ATAD2B: variants seen among roughly 807,000 people sequenced by gnomAD.
ATAD2B encodes ATPase family AAA domain-containing protein 2B.
A neutral mutation model predicts 167.6 loss-of-function variants in ATAD2B; 40 were observed. The ratio of observed to expected loss-of-function variants is 0.24; its 90% CI spans 0.19 to 0.31. The LOEUF is 0.31. ATAD2B is among the 10% of genes least tolerant of loss of function. The pLI, the probability that ATAD2B is intolerant of heterozygous loss-of-function variation, is 1.00. For synonymous variants in ATAD2B, 579 were observed against 596.5 expected (o/e 0.97, Z 0.43); for missense variants, 1,242 against 1,757.2 (o/e 0.71, Z 5.24).
At chr2:23,700,167 CTCCT>C in the ATAD2B span, among the ~76,000 whole-genome samples, 54 of 152,336 alleles carry the variant, frequency 3.5e-4, no homozygotes, top group African/African-American at 1.3e-3. The surrounding 1 kb of genome is among the most constrained non-coding windows in gnomAD (Gnocchi z 4.6). Flanking sequence ...TCCAGTTGGA[CTCCT>C]TCCTATTTTA....
At chr2:23,717,849 GA>G in the ATAD2B span, among the ~76,000 whole-genome samples, 1 of 152,064 alleles carries the variant, frequency 6.6e-6, no homozygotes, top group African/African-American at 2.4e-5. Flanking sequence ...CCAAAATTGG[GA>G]AAACTCACAA....
the ATAD2B span, among the ~76,000 whole-genome samples, chr2:23,732,617 T>A: frequency 6.6e-6 from 1 of 152,210 alleles, no homozygotes; most frequent in Non-Finnish European, 1.5e-5. Context: ...AAATAAATAT[T>A]TGATGGAAAA....
chr2:23,906,062 T>G (rs1403638548), intron 1 of ATAD2B, among the ~76,000 whole-genome samples: 1 of 151,984 alleles, frequency 6.6e-6, no homozygotes, highest in African/African-American at 2.4e-5. Context: ...GTCGGCTGGG[T>G]GCGGTGGCTC....
the ATAD2B span, chr2:23,693,129 G>T: frequency 1.0e-6 from 1 of 976,144 alleles, no homozygotes; most frequent in Non-Finnish European, 1.5e-6. Flanking sequence ...CCAGGAAGGG[G>T]GCCTGCAGGG....
intron 9 of ATAD2B, 62 bp from the exon 10 acceptor site, chr2:23,868,008 TAA>T (rs766316168): frequency 9.2e-7 from 1 of 1,084,250 alleles, no homozygotes; most frequent in Non-Finnish European, 1.4e-6. Context: ...AATGTCAAAA[TAA>T]GTTTACATTC....
the ATAD2B span, among the ~76,000 whole-genome samples, chr2:23,720,591 A>AG: frequency 6.6e-6 from 1 of 150,758 alleles, no homozygotes; most frequent in African/African-American, 2.4e-5. Flanking sequence ...AAAAAAAAAA[A>AG]AAAGTTAAGA....
intron 18 of ATAD2B, among the ~76,000 whole-genome samples, chr2:23,800,794 C>G (rs761500615): frequency 1.3e-5 from 2 of 151,638 alleles, no homozygotes; most frequent in East Asian, 1.9e-4. Flanking sequence ...ACTTCCAAAG[C>G]CTTTAGGAAA....
chr2:23,903,483 CT>C, intron 1 of ATAD2B, among the ~76,000 whole-genome samples: 1 of 152,154 alleles, frequency 6.6e-6, no homozygotes, highest in East Asian at 1.9e-4. Flanking sequence ...GAATAGATAA[CT>C]TTTTTCAATT....
chr2:23,850,616 T>G (rs1350546727), intron 13 of ATAD2B, among the ~76,000 whole-genome samples: 2 of 151,990 alleles, frequency 1.3e-5, no homozygotes, highest in South Asian at 4.1e-4. Context: ...ATTATGGAGA[T>G]AGTAAAAAGA....
chr2:23,801,079 T>G (rs1422509153), intron 18 of ATAD2B, among the ~76,000 whole-genome samples: 2 of 152,164 alleles, frequency 1.3e-5, no homozygotes, highest in African/African-American at 2.4e-5. Flanking sequence ...TTTAAATTCC[T>G]TATTCTATGT....
the ATAD2B span, among the ~76,000 whole-genome samples, chr2:23,737,046 CTGGAAG>C: frequency 6.6e-6 from 1 of 152,210 alleles, no homozygotes; most frequent in African/African-American, 2.4e-5. Context: ...ACAAAGCAGC[CTGGAAG>C]CTCGAACTGG....
intron 17 of ATAD2B, chr2:23,811,469 T>C (rs1685578767): frequency 6.6e-6 from 1 of 152,288 alleles, no homozygotes; most frequent in Admixed American, 6.5e-5. Flanking sequence ...AGCCTTCATC[T>C]TAGACTTTCA....
At chr2:23,727,554 T>TTA in the ATAD2B span, among the ~76,000 whole-genome samples, 3 of 152,152 alleles carry the variant, frequency 2.0e-5, no homozygotes, top group African/African-American at 4.8e-5. Flanking sequence ...GCAATCATTA[T>TTA]TATATATATA....
At chr2:23,874,122 G>T (rs1696426296) in intron 8 of ATAD2B, among the ~76,000 whole-genome samples, 1 of 152,024 alleles carries the variant, frequency 6.6e-6, no homozygotes, top group Non-Finnish European at 1.5e-5. Flanking sequence ...AGGAGGCGGA[G>T]GTTGCAGTGA....
chr2:23,684,065 T>G, the ATAD2B span, among the ~76,000 whole-genome samples: 2 of 152,246 alleles, frequency 1.3e-5, no homozygotes, highest in African/African-American at 4.8e-5. This position sits in a 1 kb window ranked among gnomAD's most constrained non-coding sequence, Gnocchi z 4.4. Context: ...TTTAGTTGTC[T>G]GTGATAATGT....
intron 19 of ATAD2B, among the ~76,000 whole-genome samples, chr2:23,790,224 C>CA (rs1447164175): frequency 1.3e-5 from 2 of 151,996 alleles, no homozygotes; most frequent in Non-Finnish European, 2.9e-5. Flanking sequence ...TCTCTGCTGT[C>CA]AAAGATTTTA....
chr2:23,921,221 AAAAAAAAAAC>A (rs1413028242), intron 1 of ATAD2B, among the ~76,000 whole-genome samples: 37 of 150,736 alleles, frequency 2.5e-4, no homozygotes, highest in African/African-American at 8.5e-4. Flanking sequence ...AAAAAAAAAA[AAAAAAAAAAC>A]AACCCAAAGA....
the ATAD2B span, chr2:23,703,521 C>A: frequency 1.4e-5 from 15 of 1,062,198 alleles, no homozygotes; most frequent in Non-Finnish European, 1.8e-5. Context: ...AGTTGCCGAG[C>A]CCCCAGCTCA....
intron 1 of ATAD2B, among the ~76,000 whole-genome samples, chr2:23,917,899 A>G (rs1703284310): frequency 2.0e-5 from 3 of 152,090 alleles, no homozygotes; most frequent in Admixed American, 1.3e-4. Flanking sequence ...TCTCTACTAA[A>G]AATACAAAAT....
Sources: gnomAD v4.1 joint callset for allele counts (sites outside exome capture counted in the v4.1 genomes callset) on GRCh38, gnomAD v4.1.1 for gene constraint, Gnocchi (gnomAD v3.1) non-coding constraint, MANE v1.5 for transcripts, NCBI Gene and HGNC (gene_info 2026-07-23, HGNC 2026-07-21) for gene names.